The following RNF214 variants were observed in gnomAD, a reference collection of about 807,000 sequenced individuals.
RNF214 encodes the protein ring finger protein 214.
A neutral mutation model predicts 75.9 loss-of-function variants in RNF214; 25 were observed. The observed-to-expected ratio is 0.33, with a 90% CI of 0.24 to 0.46. The LOEUF (loss-of-function observed/expected upper bound fraction) is 0.46, where lower values mean the gene tolerates loss of function less well. RNF214 is among the 20% of genes least tolerant of loss of function. The pLI is 1.00. For missense variants in RNF214, 725 were observed against 857.5 expected, an observed-to-expected ratio of 0.85 and a Z score of 1.93; for synonymous variants, 314 against 308.8, an observed-to-expected ratio of 1.02 and a Z score of -0.18.
At chr11:117,282,319 T>A in intron 11 of RNF214, 49 bp downstream of exon 11, 6 of 1,583,392 alleles carry the variant, frequency 3.8e-6, no homozygotes, top group Non-Finnish European at 5.2e-6. Context: ...GAGAAATGCT[T>A]ATGGGTTAAA....
At chr11:117,249,218 C>T (rs2033308029) in intron 6 of RNF214, among the ~76,000 whole-genome samples, 1 of 152,128 alleles carries the variant, frequency 6.6e-6, no homozygotes, top group South Asian at 2.1e-4. Context: ...AGCTACCGTG[C>T]CCAGCCTTTT....
chr11:117,243,636 A>C (rs1368586698), intron 4 of RNF214, among the ~76,000 whole-genome samples: 1 of 152,196 alleles, frequency 6.6e-6, no homozygotes, highest in East Asian at 1.9e-4. Flanking sequence ...TGTCCCTTTG[A>C]AAGGTAACCA....
At chr11:117,255,944 T>G (rs2033508979) in intron 6 of RNF214, among the ~76,000 whole-genome samples, 1 of 152,268 alleles carries the variant, frequency 6.6e-6, no homozygotes, top group Non-Finnish European at 1.5e-5. Context: ...GGTAAAGTTT[T>G]AACCCTTTAC....
At chr11:117,263,286 CT>C (rs1219811254) in intron 6 of RNF214, among the ~76,000 whole-genome samples, 56 of 135,578 alleles carry the variant, frequency 4.1e-4, no homozygotes, top group Admixed American at 8.5e-4. Flanking sequence ...GAAAAAAAAA[CT>C]TTTTTTTTTT....
intron 6 of RNF214, among the ~76,000 whole-genome samples, chr11:117,247,856 C>CAAAAAAAAAAA (rs769342396): frequency 1.7e-5 from 1 of 60,156 alleles, no homozygotes; most frequent in Non-Finnish European, 3.4e-5. Flanking sequence ...GACCCTGTCT[C>CAAAAAAAAAAA]AAAAAAAAAA....
intron 6 of RNF214, among the ~76,000 whole-genome samples, chr11:117,256,845 C>T (rs914157775): frequency 2.0e-5 from 3 of 152,110 alleles, no homozygotes; most frequent in African/African-American, 7.2e-5. Flanking sequence ...AGACTTGCTA[C>T]TACAGCAAGT....
chr11:117,277,100 T>G (rs367562287), intron 6 of RNF214, among the ~76,000 whole-genome samples: 6 of 152,308 alleles, frequency 3.9e-5, no homozygotes, highest in African/African-American at 1.4e-4. Flanking sequence ...TCCAGCACTT[T>G]GGGAGGCTGA....
In RNF214 at chr11:117,286,379, C is replaced by T. The variant is rs1221047801; in HGVS notation, c.*1228C>T. On this transcript the variant is annotated 3_prime_UTR_variant, in exon 15 of 15. Coordinates refer to ENST00000300650, the MANE Select transcript of RNF214 (RefSeq NM_207343.4). Reference sequence around the variant, plus strand: ...CTCTATTAGAGCTTTGAATCTTTTCCTATCCTTTTATCTTTACTCCTACAG... The same window carrying T: ...CTCTATTAGAGCTTTGAATCTTTTCTTATCCTTTTATCTTTACTCCTACAG... The T allele has an allele frequency of 6.6e-6, 1 of 152,144 alleles. No homozygotes were observed. Among genetic ancestry groups the T allele is most frequent in the African/African-American group, 2.4e-5 (1 of 41,428 alleles). The allele number at this position is 152,144 out of a possible 1,614,324, so 9.4% of individuals were successfully genotyped here. A position where few individuals can be genotyped will look rare whatever the true frequency, so the allele number is the denominator to read the frequency against.
At chr11:117,274,067 A>G (rs912212216) in intron 6 of RNF214, among the ~76,000 whole-genome samples, 1 of 152,210 alleles carries the variant, frequency 6.6e-6, no homozygotes, top group African/African-American at 2.4e-5. Context: ...TCAGAGAGCA[A>G]GCTGACCTCA....
intron 1 of RNF214, among the ~76,000 whole-genome samples, chr11:117,233,011 G>A (rs1406288036): frequency 1.3e-5 from 2 of 152,012 alleles, no homozygotes; most frequent in Non-Finnish European, 2.9e-5. Flanking sequence ...GCCACCCAGC[G>A]CCGCTTCCCC....
chr11:117,258,050 G>A (rs2033564328), intron 6 of RNF214, among the ~76,000 whole-genome samples: 1 of 151,728 alleles, frequency 6.6e-6, no homozygotes, highest in Non-Finnish European at 1.5e-5. Flanking sequence ...CATCTGTCAT[G>A]CCTCTATCTA....
intron 2 of RNF214, 54 bp from the exon 3 acceptor site, chr11:117,238,547 G>T (rs2032976045): frequency 6.8e-7 from 1 of 1,468,668 alleles, no homozygotes. Context: ...TGTTCTTCTA[G>T]TAGTTAGGTT....
intron 6 of RNF214, among the ~76,000 whole-genome samples, chr11:117,253,169 T>G (rs1008322440): frequency 2.0e-5 from 3 of 152,152 alleles, no homozygotes; most frequent in African/African-American, 7.2e-5. Context: ...TGCACCACCA[T>G]GCCCATCTAA....
rs529447383 is a variant in RNF214, at chr11:117,239,649, T to C, written c.619-152T>C. ...AATGCAGCGTGGATGTTGGTGTCCG[T>C]TTGCCAGAACTACATTGCTTAGCTT... On this transcript the variant is annotated intron_variant, in intron 3 of 14. Transcript: ENST00000300650. 9.4e-6 allele frequency: 6 copies of C among 640,358 alleles called. No individual in the cohort carries two copies. The East Asian group carries it at 1.7e-4, about 18-fold the overall frequency. The allele number at this position is 640,358 out of a possible 1,614,324, so 39.7% of individuals were successfully genotyped here.
intron 6 of RNF214, 120 bp downstream of exon 6, chr11:117,247,068 A>G (rs2033244188): frequency 2.5e-6 from 2 of 794,530 alleles, no homozygotes; most frequent in Admixed American, 2.9e-5. Flanking sequence ...ACAAGTGTAC[A>G]AGTAAAAACT....
intron 1 of RNF214, among the ~76,000 whole-genome samples, 183 bp from the exon 2 acceptor site, chr11:117,234,084 T>G (rs2032828398): frequency 6.6e-6 from 1 of 152,216 alleles, no homozygotes; most frequent in Non-Finnish European, 1.5e-5. Flanking sequence ...TGCTGCCCAC[T>G]AGGACACTAG....
chr11:117,269,042 A>G (rs1422760456), intron 6 of RNF214, among the ~76,000 whole-genome samples: 1 of 152,218 alleles, frequency 6.6e-6, no homozygotes, highest in Non-Finnish European at 1.5e-5. Context: ...AGATGCTTAT[A>G]TACCTACCCT....
At chr11:117,259,713 T>C (rs1377947316) in intron 6 of RNF214, among the ~76,000 whole-genome samples, 1 of 152,206 alleles carries the variant, frequency 6.6e-6, no homozygotes, top group Non-Finnish European at 1.5e-5. Flanking sequence ...TGGCCGTTTG[T>C]ATATTTTATT....
chr11:117,235,412 G>T (rs909538542), intron 2 of RNF214, among the ~76,000 whole-genome samples: 22 of 151,632 alleles, frequency 1.5e-4, no homozygotes, highest in African/African-American at 5.1e-4. Context: ...TAGCCAGGAT[G>T]GTCTCGATCT....
Sources: gnomAD v4.1 joint callset for allele counts (sites outside exome capture counted in the v4.1 genomes callset) on GRCh38, gnomAD v4.1.1 for gene constraint, MANE v1.5 for transcripts, NCBI Gene and HGNC (gene_info 2026-07-23, HGNC 2026-07-21) for gene names.